Variants in ANKRD33B observed in about 807,000 individuals in gnomAD.
ANKRD33B encodes ankyrin repeat domain-containing protein 33B.
In ANKRD33B, 6 loss-of-function variants were observed where a neutral mutation model predicts 21.5. The observed-to-expected ratio is 0.28, with a 90% CI of 0.15 to 0.55. The LOEUF (loss-of-function observed/expected upper bound fraction) is 0.55, where lower values mean the gene tolerates loss of function less well. Ranked by LOEUF, ANKRD33B falls within the 20% of genes least tolerant of loss-of-function variation. ANKRD33B has a pLI of 0.94. For missense variants in ANKRD33B, 698 were observed against 747.2 expected, an observed-to-expected ratio of 0.93 and a Z score of 0.77; for synonymous variants, 347 against 342.4, an observed-to-expected ratio of 1.01 and a Z score of -0.15.
At position 10,564,085 on chromosome 5, in the gene ANKRD33B, T is replaced by C. The variant is rs1734985154; in HGVS notation, c.-383T>C. 6.6e-6 allele frequency among the ~76,000 whole-genome samples: 1 copy of C among 151,924 alleles called. No individual in the cohort carries two copies. The highest frequency in any genetic ancestry group is 2.1e-4 in the South Asian group (1 of 4,818). Reference sequence around the variant, plus strand: ...CGGCTTCTTTAGTGATTGCTTCTGCTTCTCCCGCGCCAGCTGTCCCCAGCT... The same window carrying C: ...CGGCTTCTTTAGTGATTGCTTCTGCCTCTCCCGCGCCAGCTGTCCCCAGCT... On this transcript the variant is annotated 5_prime_UTR_variant, in exon 1 of 4. Transcript: ENST00000296657.
intron 3 of ANKRD33B, among the ~76,000 whole-genome samples, chr5:10,642,712 A>G (rs1579757733): frequency 6.6e-6 from 1 of 152,180 alleles, no homozygotes; most frequent in Non-Finnish European, 1.5e-5. Flanking sequence ...GATTATTGTT[A>G]TTATTATGAT....
At chr5:10,580,075 C>G (rs771336787) in intron 1 of ANKRD33B, among the ~76,000 whole-genome samples, 8 of 151,454 alleles carry the variant, frequency 5.3e-5, no homozygotes, top group Non-Finnish European at 1.0e-4. Flanking sequence ...GAACCAGATC[C>G]CTGTAATTTT....
At chr5:10,630,618 G>A (rs751980186) in intron 2 of ANKRD33B, among the ~76,000 whole-genome samples, 5 of 152,302 alleles carry the variant, frequency 3.3e-5, no homozygotes, top group East Asian at 1.9e-4. Flanking sequence ...CATAACATGC[G>A]TACATGGGAG....
intron 1 of ANKRD33B, among the ~76,000 whole-genome samples, chr5:10,590,595 C>CGT (rs1735660730): frequency 2.1e-5 from 1 of 48,466 alleles, no homozygotes; most frequent in African/African-American, 4.8e-5. Flanking sequence ...GAGATGCGCG[C>CGT]GCGCGCGCGC....
At chr5:10,621,364 G>GA (rs977261057) in intron 2 of ANKRD33B, among the ~76,000 whole-genome samples, 2 of 151,420 alleles carry the variant, frequency 1.3e-5, no homozygotes, top group Non-Finnish European at 2.9e-5. Flanking sequence ...AGCAGAGTTA[G>GA]AAAAAAAAAT....
At chr5:10,571,945 G>A (rs1287008411) in intron 1 of ANKRD33B, among the ~76,000 whole-genome samples, 2 of 150,318 alleles carry the variant, frequency 1.3e-5, no homozygotes, top group African/African-American at 4.9e-5. Flanking sequence ...CCGGAGTGCA[G>A]TGGCGCAATC....
intron 3 of ANKRD33B, among the ~76,000 whole-genome samples, chr5:10,642,153 C>T (rs544666203): frequency 1.1e-3 from 168 of 152,298 alleles, no homozygotes; most frequent in African/African-American, 3.9e-3. Context: ...CTAATCGCTC[C>T]GTTTGACTGC....
At chr5:10,571,145 G>A (rs1735178590) in intron 1 of ANKRD33B, among the ~76,000 whole-genome samples, 1 of 152,092 alleles carries the variant, frequency 6.6e-6, no homozygotes, top group Admixed American at 6.6e-5. Context: ...GTGTGAAATG[G>A]AGAGAGGGCT....
chr5:10,630,060 G>A (rs1318964672), intron 2 of ANKRD33B, among the ~76,000 whole-genome samples: 7 of 90,324 alleles, frequency 7.7e-5, no homozygotes, highest in South Asian at 4.7e-4. Context: ...ACATGAAGAC[G>A]GCCCACAGGG....
Position 10,639,173 on chromosome 5 carries a change from G to A in ANKRD33B, c.637+1005G>A, listed in dbSNP as rs1411803559. On this transcript the variant is annotated intron_variant, in intron 3 of 3. Transcript: ENST00000296657. ...GCGCGGCGATGTTAGCGGGTGACGC[G>A]GCGTTGCGCGGCGATGTTAGGCGGT... Among the ~76,000 whole-genome samples, 2 of 49,490 alleles carry A rather than the reference G, an allele frequency of 4.0e-5. 1 individual carries two copies. Among genetic ancestry groups the A allele is most frequent in the Non-Finnish European group, 8.9e-5 (2 of 22,462 alleles). 32.5% of individuals were successfully genotyped at this position (49,490 alleles called of 152,430 possible). A position where few individuals can be genotyped will look rare whatever the true frequency, so the allele number is the denominator to read the frequency against.
chr5:10,597,613 G>A (rs1711632764), intron 1 of ANKRD33B, among the ~76,000 whole-genome samples: 2 of 152,060 alleles, frequency 1.3e-5, no homozygotes, highest in Non-Finnish European at 2.9e-5. Flanking sequence ...ACACCCCACT[G>A]ACAATATTAG....
intron 3 of ANKRD33B, among the ~76,000 whole-genome samples, chr5:10,639,604 C>T (rs1208445939): frequency 8.7e-5 from 5 of 57,386 alleles, no homozygotes; most frequent in Non-Finnish European, 1.6e-4. Context: ...TAGCGGGTGA[C>T]GCGGAGTTGC....
intron 1 of ANKRD33B, among the ~76,000 whole-genome samples, chr5:10,611,778 G>A (rs78688538): frequency 0.03 from 4,587 of 152,300 alleles, 107 homozygotes; most frequent in East Asian, 0.088. Flanking sequence ...ATGGCATATC[G>A]TAGAAATTGC....
In ANKRD33B at chr5:10,564,873, C is replaced by T. The variant is rs1378359640; in HGVS notation, c.366+40C>T. The T allele has an allele frequency of 6.1e-5, 89 of 1,461,218 alleles. 1 individual carries two copies. Among genetic ancestry groups the T allele is most frequent in the South Asian group, 1.9e-4 (14 of 73,720 alleles). The allele number at this position is 1,461,218 out of a possible 1,614,324, so 90.5% of individuals were successfully genotyped here. ...CCGCAGGATTTGAGCCCCCTCACTG[C>T]CCCCACTCCCCTCCTCCCCACCACA... On this transcript the variant is annotated intron_variant, in intron 1 of 3. Coordinates refer to ENST00000296657, the MANE Select transcript of ANKRD33B (RefSeq NM_001164440.2).
chr5:10,626,784 G>C (rs1736560172), intron 2 of ANKRD33B, among the ~76,000 whole-genome samples: 1 of 152,186 alleles, frequency 6.6e-6, no homozygotes, highest in Non-Finnish European at 1.5e-5. Flanking sequence ...TTTCCAGAAG[G>C]CTCCAGCAGA....
At chr5:10,641,082 T>C (rs1692190301) in intron 3 of ANKRD33B, among the ~76,000 whole-genome samples, 1 of 152,136 alleles carries the variant, frequency 6.6e-6, no homozygotes, top group Non-Finnish European at 1.5e-5. Flanking sequence ...ACCACCCCTG[T>C]CTTGGTTATC....
At chr5:10,641,825 C>T (rs535573632) in intron 3 of ANKRD33B, among the ~76,000 whole-genome samples, 18 of 151,988 alleles carry the variant, frequency 1.2e-4, no homozygotes, top group Non-Finnish European at 2.1e-4. Flanking sequence ...TAATTAAAAA[C>T]GAGTCCTATC....
At chr5:10,609,725 G>A (rs112200498) in intron 1 of ANKRD33B, among the ~76,000 whole-genome samples, 2,151 of 152,148 alleles carry the variant, frequency 0.014, 40 homozygotes, top group African/African-American at 0.049. Context: ...ACTGGCCGAC[G>A]TGGTGAAACC....
At position 10,570,332 on chromosome 5, in the gene ANKRD33B, T is replaced by G. The variant is rs149082945; in HGVS notation, c.366+5499T>G. On this transcript the variant is annotated intron_variant, in intron 1 of 3. Coordinates refer to ENST00000296657, the MANE Select transcript of ANKRD33B (RefSeq NM_001164440.2). ...GTAGGCTGGATTTGCTCATTCGTCTTCATTCAGCTGGTGGTCAGCTGCGAA... is the reference window on the plus strand; with the variant it reads ...GTAGGCTGGATTTGCTCATTCGTCTGCATTCAGCTGGTGGTCAGCTGCGAA... 1.3e-3 allele frequency among the ~76,000 whole-genome samples: 199 copies of G among 152,344 alleles called. 1 individual carries two copies. The highest frequency in any genetic ancestry group is 4.5e-3 in the African/African-American group (186 of 41,576).
Sources: gnomAD v4.1 joint callset for allele counts (sites outside exome capture counted in the v4.1 genomes callset) on GRCh38, gnomAD v4.1.1 for gene constraint, MANE v1.5 for transcripts, NCBI Gene and HGNC (gene_info 2026-07-23, HGNC 2026-07-21) for gene names.